ZNF518A: variants seen among roughly 807,000 people sequenced by gnomAD.
The protein encoded by ZNF518A is zinc finger protein 518.
Under a neutral mutation model 102.7 loss-of-function variants are expected in ZNF518A, and 47 were observed. That is an observed-to-expected ratio of 0.46 (90% CI 0.36 to 0.58). ZNF518A has a LOEUF of 0.58. Ranked by LOEUF, ZNF518A falls within the 20% of genes least tolerant of loss-of-function variation. ZNF518A has a pLI of 0.00. For synonymous variants in ZNF518A, 652 were observed against 594.6 expected, an observed-to-expected ratio of 1.10 and a Z score of -1.40; for missense variants, 1,793 against 1,699.8, an observed-to-expected ratio of 1.05 and a Z score of -0.96.
At chr10:96,177,318 C>G (rs942474530) in intron 1 of ZNF518A, among the ~76,000 whole-genome samples, 3 of 152,108 alleles carry the variant, frequency 2.0e-5, no homozygotes, top group Non-Finnish European at 4.4e-5. Context: ...GAAGACAAAA[C>G]AAATACAGTT....
Position 96,157,622 on chromosome 10 carries a change from C to T in ZNF518A, c.1300C>T (p.Leu434=), listed in dbSNP as rs1405985162. ...AAATGTAATGATGAAAAATAATAAA[C>T]TAGCAGTTTCCCCTAACTATAATGC... ...LKNVMMKNNK[L]AVSPNYNATF... The change falls in exon 6 of 6, where the codon CTA becomes TTA. Residue 434 remains leucine, a synonymous_variant. Transcript: ENST00000316045. 3 of 1,613,822 alleles carry T rather than the reference C, an allele frequency of 1.9e-6. No homozygotes were observed. The highest frequency in any genetic ancestry group is 1.7e-5 in the Admixed American group (1 of 59,998).
At chr10:96,165,470 CAAA>C (rs35332637), downstream of ZNF518A, among the ~76,000 whole-genome samples, 7,635 of 112,190 alleles carry the variant, frequency 0.068, 268 homozygotes, top group East Asian at 0.2. Context: ...CAACAACAAC[CAAA>C]AAAAAAAAAA....
intron 1 of ZNF518A, chr10:96,199,628 T>A: frequency 2.3e-6 from 1 of 428,552 alleles, no homozygotes; most frequent in South Asian, 1.7e-5. Flanking sequence ...AGGAAAAAGA[T>A]CCTTGTATCT....
At chr10:96,139,318 A>G (rs1326786060) in intron 3 of ZNF518A, among the ~76,000 whole-genome samples, 2 of 152,162 alleles carry the variant, frequency 1.3e-5, no homozygotes, top group East Asian at 1.9e-4. Flanking sequence ...CCCATACTCA[A>G]ATTGATACAT....
At chr10:96,178,323 A>C (rs587681261) in intron 1 of ZNF518A, among the ~76,000 whole-genome samples, 1 of 152,260 alleles carries the variant, frequency 6.6e-6, no homozygotes, top group Non-Finnish European at 1.5e-5. Flanking sequence ...TCCTGAATAC[A>C]TGGAAATTAA....
rs782205904 is a variant in ZNF518A at position 96,156,966 on chromosome 10, C to G, written c.644C>G (p.Ser215Cys). ...TTTCAATGTGAAAAGTGTAAGTTCT[C>G]CACCCAGGATGTTGGCACATTTGTT... ...GNFQCEKCKF[S>C]TQDVGTFVQH... Residue 215 changes from serine to cysteine, a missense_variant, in exon 6 of 6, where the codon TCC (serine) becomes TGC (cysteine). Physicochemically the swap from Ser to Cys is moderately radical, Grantham distance 112. Around this residue, in one of 3 missense-constraint regions of ZNF518A, gnomAD observed 1,741 missense variants for 1,622.6 expected, o/e 1.07. Transcript: ENST00000316045. 6.2e-7 allele frequency: 1 copy of G among 1,613,854 alleles called. No individual in the cohort carries two copies. Among genetic ancestry groups the G allele is most frequent in the Non-Finnish European group, 8.5e-7 (1 of 1,179,804 alleles).
rs587739479 is a variant in ZNF518A at position 96,137,211 on chromosome 10, G to A, written c.-302+3563G>A. Among the ~76,000 whole-genome samples the A allele has an allele frequency of 3.9e-5, 6 of 152,004 alleles. No homozygotes were observed. The South Asian group carries it at 8.3e-4, about 21-fold the overall frequency. ...TCAGCTCGTTCACTAGATTCCGTCC[G>A]TTCTAACCTGAAGGACTTCACTGCT... On this transcript the variant is annotated intron_variant, in intron 3 of 5. Coordinates refer to ENST00000316045, the MANE Select transcript of ZNF518A (RefSeq NM_001330736.2).
intron 1 of ZNF518A, among the ~76,000 whole-genome samples, chr10:96,169,172 T>C (rs587769793): frequency 6.7e-6 from 1 of 150,044 alleles, no homozygotes; most frequent in Non-Finnish European, 1.5e-5. Context: ...CAGCTAACTT[T>C]TAAAAAAATT....
At chr10:96,155,178 A>G (rs1185932679) in intron 3 of ZNF518A, 148 bp from the exon 4 acceptor site, 3 of 152,198 alleles carry the variant, frequency 2.0e-5, no homozygotes, top group Admixed American at 6.5e-5. Flanking sequence ...GTTATGTCCC[A>G]TACGTGGTAA....
intron 1 of ZNF518A, among the ~76,000 whole-genome samples, chr10:96,175,055 C>T (rs149384470): frequency 8.9e-4 from 136 of 152,184 alleles, no homozygotes; most frequent in African/African-American, 3.0e-3. Flanking sequence ...CTATCCTGGC[C>T]GCCTGGTCTC....
intron 1 of ZNF518A, among the ~76,000 whole-genome samples, chr10:96,177,025 C>A (rs1564802206): frequency 6.7e-6 from 1 of 149,658 alleles, no homozygotes; most frequent in African/African-American, 2.5e-5. Context: ...TGCAGTGAGC[C>A]ATGATCATGC....
intron 1 of ZNF518A, among the ~76,000 whole-genome samples, chr10:96,194,170 G>C (rs1364342034): frequency 3.9e-5 from 6 of 152,156 alleles, no homozygotes; most frequent in African/African-American, 1.2e-4. Context: ...CAAAATTTGT[G>C]AGAGAATTTC....
chr10:96,161,586 C>G lies in ZNF518A; in HGVS notation c.*812C>G, dbSNP rs1178646787. ...GATGATCCCTTTGCACAGAACTATG[C>G]TTATCTCATGTTTGTCCTCCATAAA... On this transcript the variant is annotated 3_prime_UTR_variant, in exon 6 of 6. Coordinates refer to ENST00000316045, the MANE Select transcript of ZNF518A (RefSeq NM_001330736.2). 1.2e-5 allele frequency: 2 copies of G among 166,672 alleles called. No individual in the cohort carries two copies. The highest frequency in any genetic ancestry group is 2.9e-5 in the Non-Finnish European group (2 of 68,018). The allele number at this position is 166,672 out of a possible 1,614,324, so 10.3% of individuals were successfully genotyped here.
In ZNF518A at chr10:96,159,721, A is replaced by G; in HGVS notation, c.3399A>G (p.Pro1133=). 1 of 1,613,282 alleles carries G rather than the reference A, an allele frequency of 6.2e-7. No individual in the cohort carries two copies. The highest frequency in any genetic ancestry group is 1.3e-5 in the African/African-American group (1 of 75,048). Residue 1133 remains proline (P), a synonymous_variant, in exon 6 of 6, where the codon CCA becomes CCG. Transcript: ENST00000316045. The part of the protein sequence containing the change: ...VQNSTYQNIQ[P]KKPEGTPQRI... ...ATAGTACTTATCAAAATATACAGCC[A>G]AAGAAACCTGAAGGAACACCACAAA...
chr10:96,195,335 C>T (rs938693560), intron 1 of ZNF518A, among the ~76,000 whole-genome samples: 1 of 152,206 alleles, frequency 6.6e-6, no homozygotes, highest in Non-Finnish European at 1.5e-5. Context: ...TAATTGAAAG[C>T]AGTGTCCTGG....
chr10:96,141,851 C>A (rs2081944967), intron 3 of ZNF518A, among the ~76,000 whole-genome samples: 1 of 151,480 alleles, frequency 6.6e-6, no homozygotes, highest in Non-Finnish European at 1.5e-5. Context: ...GGGATCCTCC[C>A]ACCTCAGCCT....
At chr10:96,191,729 A>G (rs966489935) in intron 1 of ZNF518A, 3 of 375,200 alleles carry the variant, frequency 8.0e-6, no homozygotes, top group Non-Finnish European at 1.4e-5. Context: ...ATTTATTTGG[A>G]AAATATTAGT....
intron 3 of ZNF518A, among the ~76,000 whole-genome samples, chr10:96,150,995 C>T (rs587649416): frequency 8.9e-4 from 135 of 151,932 alleles, no homozygotes; most frequent in African/African-American, 3.2e-3. Context: ...TCAGGTGATC[C>T]GCCCCCCTCG....
chr10:96,158,675 C>T lies in ZNF518A; in HGVS notation c.2353C>T (p.Gln785Ter), dbSNP rs782495284. The change falls in exon 6 of 6, where the codon CAA becomes TAA. Residue 785 changes from glutamine (Q) to a stop codon, truncating the protein, a stop_gained. Transcript: ENST00000316045. LOFTEE classifies it high-confidence loss of function. ...ASEFLPPEVN[Q>*]LLQDVLKIKP... ...AGAATTTCTGCCACCTGAAGTAAAC[C>T]AATTGCTTCAGGATGTATTGAAAAT... 1 of 1,613,164 alleles carries T rather than the reference C, an allele frequency of 6.2e-7. No individual in the cohort carries two copies.
Sources: allele counts gnomAD v4.1 joint callset (sites outside exome capture counted in the v4.1 genomes callset), GRCh38; gene constraint gnomAD v4.1.1; regional missense constraint gnomAD v4.1.1; transcripts MANE v1.5; gene names NCBI Gene and HGNC (gene_info 2026-07-23, HGNC 2026-07-21).